Variants in ARHGEF12 observed in about 807,000 individuals in gnomAD.
ARHGEF12 encodes the protein Rho guanine nucleotide exchange factor 12.
ARHGEF12 carries 66 observed loss-of-function variants against 211.2 expected under a neutral mutation model. The observed-to-expected ratio is 0.31, with a 90% CI of 0.26 to 0.38. The LOEUF is 0.38. Ranked by LOEUF, ARHGEF12 falls within the 10% of genes least tolerant of loss-of-function variation. The pLI is 1.00. For synonymous variants in ARHGEF12, 592 were observed against 638.4 expected (o/e 0.93, Z 1.09); for missense variants, 1,429 against 1,869.5 (o/e 0.76, Z 4.34).
intron 15 of ARHGEF12, among the ~76,000 whole-genome samples, chr11:120,443,638 A>G (rs978347496): frequency 6.6e-5 from 10 of 151,964 alleles, no homozygotes; most frequent in Middle Eastern, 6.8e-3. Flanking sequence ...TAAAATCTCA[A>G]CCCTTTCACT....
chr11:120,481,198 T>C (rs769116432), intron 38 of ARHGEF12, 62 bp from the exon 39 acceptor site: 2 of 1,467,806 alleles, frequency 1.4e-6, no homozygotes, highest in African/African-American at 2.8e-5. Context: ...CAGCACACTA[T>C]GCTATTTCTG....
chr11:120,477,483 A>C lies in ARHGEF12; in HGVS notation c.3489A>C (p.Lys1163Asn). Residue 1163 changes from lysine (K) to asparagine (N), a missense_variant, in exon 36 of 41, where the codon AAA becomes AAC. Lys to Asn is a moderately conservative substitution (Grantham distance 94). Coordinates refer to ENST00000397843, the MANE Select transcript of ARHGEF12 (RefSeq NM_015313.3). The stretch of plus-strand genomic sequence containing the variant: ...ATGAAGAAGATCCTTCAAAATTAAA[A>C]GAGGAGCAGCATGGCATTTCAGTCA... ...DNDEEDPSKLKEEQHGISVTG... is the reference protein window; with the variant it reads ...DNDEEDPSKLNEEQHGISVTG... 1 of 1,612,562 alleles carries C rather than the reference A, an allele frequency of 6.2e-7. No homozygotes were observed. Among genetic ancestry groups the C allele is most frequent in the Middle Eastern group, 1.7e-4 (1 of 5,756 alleles).
intron 4 of ARHGEF12, among the ~76,000 whole-genome samples, chr11:120,415,844 T>TAC (rs2135631537): frequency 6.6e-6 from 1 of 152,348 alleles, no homozygotes; most frequent in South Asian, 2.1e-4. Context: ...TAACACTTTT[T>TAC]ATATTGGTCT....
chr11:120,481,210 T>G (rs1381793096), intron 38 of ARHGEF12, 50 bp from the exon 39 acceptor site: 18 of 1,546,014 alleles, frequency 1.2e-5, no homozygotes, highest in Non-Finnish European at 1.4e-5. Context: ...CTATTTCTGT[T>G]TTCTAATGGC....
intron 7 of ARHGEF12, among the ~76,000 whole-genome samples, chr11:120,425,540 A>C (rs1341553051): frequency 6.6e-6 from 1 of 151,468 alleles, no homozygotes; most frequent in African/African-American, 2.4e-5. Context: ...TCCTGGGCTC[A>C]CCCATCTCAG....
chr11:120,441,603 A>G (rs548169306), intron 13 of ARHGEF12, 104 bp from the exon 14 acceptor site: 2 of 787,344 alleles, frequency 2.5e-6, no homozygotes, highest in Non-Finnish European at 4.0e-6. Flanking sequence ...AATTTTTTAT[A>G]GGGAGATCAA....
Position 120,337,015 on chromosome 11 carries a change from A to G in ARHGEF12, c.-229A>G. 1 of 604,670 alleles carries G rather than the reference A, an allele frequency of 1.7e-6. No homozygotes were observed. The highest frequency in any genetic ancestry group is 1.9e-5 in the African/African-American group (1 of 53,848). The allele number at this position is 604,670 out of a possible 1,614,324, so 37.5% of individuals were successfully genotyped here. A position where few individuals can be genotyped will look rare whatever the true frequency, so the allele number is the denominator to read the frequency against. On this transcript the variant is annotated 5_prime_UTR_variant, in exon 1 of 41. Coordinates refer to ENST00000397843, the MANE Select transcript of ARHGEF12 (RefSeq NM_015313.3). ...CTCTAGCTCGACTCACTCTGGACTG[A>G]CTCGCTCCCTGGCTTTCTCAGTTCG...
intron 8 of ARHGEF12, 141 bp downstream of exon 8, chr11:120,428,388 A>C (rs1045613445): frequency 1.4e-6 from 1 of 707,364 alleles, no homozygotes; most frequent in African/African-American, 1.8e-5. Flanking sequence ...TAAAAATTAC[A>C]TAATAGGAAT....
chr11:120,459,087 T>A, intron 25 of ARHGEF12, 87 bp from the exon 26 acceptor site: 1 of 1,051,476 alleles, frequency 9.5e-7, no homozygotes, highest in Non-Finnish European at 1.3e-6. Context: ...TATAATTCAT[T>A]TGCTACTTCA....
Position 120,441,803 on chromosome 11 carries a change from G to T in ARHGEF12, c.1189G>T (p.Asp397Tyr). The part of the protein sequence containing the change: ...VFLHHVVSQF[D>Y]PATLLCYLYS... Reference sequence around the variant, plus strand: ...CTTACACCATGTAGTTTCACAATTTGACCCTGCGACTTTGGTAATATATTT... The same window carrying T: ...CTTACACCATGTAGTTTCACAATTTTACCCTGCGACTTTGGTAATATATTT... The change falls in exon 14 of 41, where the codon GAC becomes TAC. Residue 397 changes from aspartate to tyrosine, a missense_variant. Physicochemically the swap from Asp to Tyr is radical, Grantham distance 160. Coordinates refer to ENST00000397843, the MANE Select transcript of ARHGEF12 (RefSeq NM_015313.3). 6.2e-7 allele frequency: 1 copy of T among 1,613,514 alleles called. No homozygotes were observed. Among genetic ancestry groups the T allele is most frequent in the South Asian group, 1.1e-5 (1 of 91,042 alleles).
intron 1 of ARHGEF12, among the ~76,000 whole-genome samples, chr11:120,351,449 ATATATATTTTTTTTTT>A (rs1942963130): frequency 2.9e-4 from 1 of 3,408 alleles, no homozygotes; most frequent in African/African-American, 1.9e-3. Context: ...ATATATATAT[ATATATATTTTTTTTTT>A]TTTTTTTTTT....
intron 1 of ARHGEF12, among the ~76,000 whole-genome samples, chr11:120,393,700 T>C (rs996498431): frequency 6.6e-6 from 1 of 152,146 alleles, no homozygotes; most frequent in African/African-American, 2.4e-5. Context: ...AAAGGACAAA[T>C]AGACAAATCT....
chr11:120,457,148 C>T lies in ARHGEF12; in HGVS notation c.2087C>T (p.Pro696Leu). 1 of 1,613,990 alleles carries T rather than the reference C, an allele frequency of 6.2e-7. No individual in the cohort carries two copies. Among genetic ancestry groups the T allele is most frequent in the South Asian group, 1.1e-5 (1 of 91,064 alleles). ...GSKQVGETSA[P>L]GDTLDGTPRT... is the part of the protein sequence containing the mutation. ...AAGCAAGTTGGAGAAACATCAGCAC[C>T]TGGAGACACCTTAGATGGCACACCT... The change falls in exon 23 of 41, where the codon CCT becomes CTT. Residue 696 changes from proline to leucine, a missense_variant. By Grantham distance (98) the Pro-to-Leu change is moderately conservative. Coordinates refer to ENST00000397843, the MANE Select transcript of ARHGEF12 (RefSeq NM_015313.3).
intron 39 of ARHGEF12, among the ~76,000 whole-genome samples, chr11:120,483,838 T>C (rs1947326421): frequency 6.6e-6 from 1 of 152,082 alleles, no homozygotes; most frequent in Non-Finnish European, 1.5e-5. Flanking sequence ...ATGGTCTCGA[T>C]CTCCTGACCT....
intron 1 of ARHGEF12, among the ~76,000 whole-genome samples, chr11:120,378,803 G>T (rs914952206): frequency 1.1e-4 from 16 of 152,110 alleles, no homozygotes; most frequent in Admixed American, 2.0e-4. Flanking sequence ...TGTATTTATG[G>T]TTTCTTTATT....
intron 4 of ARHGEF12, among the ~76,000 whole-genome samples, chr11:120,419,651 A>G (rs1431767882): frequency 2.0e-5 from 3 of 151,796 alleles, no homozygotes; most frequent in African/African-American, 7.3e-5. Context: ...AATTTGTTAT[A>G]TGTATATGTT....
chr11:120,389,546 A>G (rs1013198318), intron 1 of ARHGEF12, among the ~76,000 whole-genome samples: 1 of 152,212 alleles, frequency 6.6e-6, no homozygotes. Context: ...GCAATGTGTA[A>G]TAATCACATC....
At chr11:120,411,294 G>A (rs1337269155) in intron 4 of ARHGEF12, 1 of 152,242 alleles carries the variant, frequency 6.6e-6, no homozygotes. Flanking sequence ...GCATGCTAAC[G>A]TAAATCTCTT....
At chr11:120,429,687 T>C (rs2073571131) in intron 9 of ARHGEF12, 25 bp from the exon 10 acceptor site, 2 of 1,600,806 alleles carry the variant, frequency 1.2e-6, no homozygotes, top group Non-Finnish European at 1.7e-6. Flanking sequence ...TAATTAATTC[T>C]GAAAATATTT....
Sources: gnomAD v4.1 joint callset for allele counts (sites outside exome capture counted in the v4.1 genomes callset) on GRCh38, gnomAD v4.1.1 for gene constraint, MANE v1.5 for transcripts, NCBI Gene and HGNC (gene_info 2026-07-23, HGNC 2026-07-21) for gene names.